ANO3: variants seen among roughly 807,000 people sequenced by gnomAD.
The protein encoded by ANO3 is anoctamin-3.
A neutral mutation model predicts 144.8 loss-of-function variants in ANO3; 99 were observed. The observed-to-expected ratio is 0.68, with a 90% CI of 0.58 to 0.81. The LOEUF (loss-of-function observed/expected upper bound fraction) is 0.81. Among genes scored for constraint, ANO3 ranks in the 30% least tolerant of loss-of-function variants. The pLI, the probability that ANO3 is intolerant of heterozygous loss-of-function variation, is 0.00. For synonymous variants in ANO3, 414 were observed against 392.6 expected (o/e 1.05, Z -0.64); for missense variants, 905 against 1,202.2 (o/e 0.75, Z 3.66).
At chr11:26,328,595 CA>C (rs373687417), upstream of ANO3, among the ~76,000 whole-genome samples, 70 of 152,250 alleles carry the variant, frequency 4.6e-4, no homozygotes, top group Admixed American at 1.6e-3. Context: ...ATGTAAACAT[CA>C]GAGTTTCTTA....
chr11:26,325,475 T>C (rs1457973011), intron 1 of ANO3, among the ~76,000 whole-genome samples: 2 of 152,222 alleles, frequency 1.3e-5, no homozygotes, highest in East Asian at 3.8e-4. Flanking sequence ...ATATTAAATA[T>C]GGATTTATTT....
At chr11:26,495,348 G>T (rs1344296122) in intron 4 of ANO3, among the ~76,000 whole-genome samples, 1 of 149,192 alleles carries the variant, frequency 6.7e-6, no homozygotes, top group African/African-American at 2.5e-5. Flanking sequence ...GGGCTCATGA[G>T]ATCTCCTGCC....
chr11:26,511,649 A>G (rs1298800759), intron 5 of ANO3, among the ~76,000 whole-genome samples: 1 of 152,174 alleles, frequency 6.6e-6, no homozygotes, highest in Non-Finnish European at 1.5e-5. Flanking sequence ...GGGCAGTGGT[A>G]TGGTCTGGAG....
intron 14 of ANO3, among the ~76,000 whole-genome samples, chr11:26,593,195 G>C (rs1349959552): frequency 6.6e-6 from 1 of 152,150 alleles, no homozygotes; most frequent in Non-Finnish European, 1.5e-5. Flanking sequence ...ATTGCTGCGT[G>C]GGCATAGGGG....
At chr11:26,473,996 T>A in intron 4 of ANO3, 1 of 985,144 alleles carries the variant, frequency 1.0e-6, no homozygotes. Flanking sequence ...TTCTAGTTAA[T>A]GGAAAAAGCA....
In ANO3 at chr11:26,412,565, A is replaced by G. The variant is rs868410878; in HGVS notation, c.47-29353A>G. On this transcript the variant is annotated intron_variant, in intron 1 of 26. Coordinates refer to ENST00000256737, the MANE Select transcript of ANO3 (RefSeq NM_031418.4). ...CATGGCTGGCACCTGGTATACTCAA[A>G]TCTACACGATGCTTCAAGTTGTCCC... Among the ~76,000 whole-genome samples the G allele has an allele frequency of 2.0e-5, 3 of 152,136 alleles. No homozygotes were observed. The East Asian group carries it at 5.8e-4, about 30-fold the overall frequency.
At chr11:26,194,575 A>G (rs958272781) in intron 1 of ANO3, among the ~76,000 whole-genome samples, 8 of 151,286 alleles carry the variant, frequency 5.3e-5, no homozygotes, top group African/African-American at 1.9e-4. Context: ...ATCTCAGCTC[A>G]CTGCAATCTC....
intron 1 of ANO3, among the ~76,000 whole-genome samples, chr11:26,297,416 G>T (rs948833253): frequency 2.6e-5 from 4 of 152,130 alleles, no homozygotes; most frequent in Admixed American, 2.6e-4. Context: ...TCTTGCATAA[G>T]CCATAAGCAC....
chr11:26,360,016 A>C (rs565810045), intron 1 of ANO3, among the ~76,000 whole-genome samples: 37 of 152,076 alleles, frequency 2.4e-4, no homozygotes, highest in African/African-American at 8.7e-4. Flanking sequence ...TATATGAATA[A>C]TATAAGTTCT....
chr11:26,369,799 T>C (rs1312297850), intron 1 of ANO3, among the ~76,000 whole-genome samples: 3 of 152,350 alleles, frequency 2.0e-5, no homozygotes, highest in East Asian at 3.9e-4. Flanking sequence ...ACTTTCTAAA[T>C]TGGAATCTTC....
intron 6 of ANO3, among the ~76,000 whole-genome samples, chr11:26,518,186 A>G (rs893162945): frequency 6.6e-6 from 1 of 152,088 alleles, no homozygotes; most frequent in Non-Finnish European, 1.5e-5. Flanking sequence ...GTGCTAAACA[A>G]CATTTCTTGA....
intron 1 of ANO3, among the ~76,000 whole-genome samples, chr11:26,354,873 ATT>A (rs938237265): frequency 6.7e-6 from 1 of 148,680 alleles, no homozygotes; most frequent in African/African-American, 2.5e-5. Flanking sequence ...CTCAGGTAAG[ATT>A]TTTTTTTTTA....
At chr11:26,317,792 TA>T (rs1389921523) in intron 1 of ANO3, among the ~76,000 whole-genome samples, 2 of 152,172 alleles carry the variant, frequency 1.3e-5, no homozygotes, top group Non-Finnish European at 2.9e-5. Context: ...CATGTGACTA[TA>T]AAGACACATG....
chr11:26,242,532 C>T (rs1209891156), intron 1 of ANO3, among the ~76,000 whole-genome samples: 1 of 152,160 alleles, frequency 6.6e-6, no homozygotes, highest in African/African-American at 2.4e-5. Flanking sequence ...ATTATTCCAC[C>T]ATATAGTTTG....
chr11:26,462,120 T>C (rs1859417296), intron 3 of ANO3, among the ~76,000 whole-genome samples: 1 of 152,008 alleles, frequency 6.6e-6, no homozygotes, highest in Non-Finnish European at 1.5e-5. Flanking sequence ...GGATATACTA[T>C]AAACAAAATT....
chr11:26,419,030 C>T (rs1857675923), intron 1 of ANO3, among the ~76,000 whole-genome samples: 1 of 152,114 alleles, frequency 6.6e-6, no homozygotes, highest in South Asian at 2.1e-4. Context: ...GTAATTGGCT[C>T]ATTGTTCTGC....
upstream of ANO3, among the ~76,000 whole-genome samples, chr11:26,305,152 C>T (rs1445212994): frequency 7.4e-6 from 1 of 135,506 alleles, no homozygotes; most frequent in Non-Finnish European, 1.6e-5. Context: ...TAGCTCCCTA[C>T]AAGGCAAAAA....
intron 1 of ANO3, among the ~76,000 whole-genome samples, chr11:26,346,242 T>A (rs1855493291): frequency 6.6e-6 from 1 of 152,192 alleles, no homozygotes; most frequent in Admixed American, 6.5e-5. Flanking sequence ...TTTAAGCTTG[T>A]TTCTGCCTTA....
intron 1 of ANO3, among the ~76,000 whole-genome samples, chr11:26,431,344 G>A (rs1474020919): frequency 6.6e-6 from 1 of 152,210 alleles, no homozygotes; most frequent in Non-Finnish European, 1.5e-5. Flanking sequence ...TATATTACAT[G>A]ATGCTGAGAT....
Sources: gnomAD v4.1 joint callset for allele counts (sites outside exome capture counted in the v4.1 genomes callset) on GRCh38, gnomAD v4.1.1 for gene constraint, MANE v1.5 for transcripts, NCBI Gene and HGNC (gene_info 2026-07-23, HGNC 2026-07-21) for gene names.